N4BP3: variants seen among roughly 807,000 people sequenced by gnomAD.
N4BP3 encodes the protein NEDD4 binding protein 3, also known as NEDD4-binding protein 3.
In N4BP3, 33 loss-of-function variants were observed where a neutral mutation model predicts 43.8. The ratio of observed to expected loss-of-function variants is 0.75; its 90% CI spans 0.57 to 1.01. N4BP3 has a LOEUF of 1.01. Ranked by LOEUF, N4BP3 falls within the 50% of genes least tolerant of loss-of-function variation. The probability of loss-of-function intolerance (pLI) is 0.00; values close to 1 mark genes in which losing one functional copy is unlikely to be tolerated. For synonymous variants in N4BP3, 326 were observed against 321.9 expected (o/e 1.01, Z -0.14); for missense variants, 756 against 744.2 (o/e 1.02, Z -0.18).
intron 1 of N4BP3, 88 bp from the exon 2 acceptor site, chr5:178,119,466 T>C: frequency 1.0e-6 from 1 of 975,706 alleles, no homozygotes; most frequent in Non-Finnish European, 1.5e-6. Flanking sequence ...TGTGGGGAGC[T>C]ACAGGGAGCA....
chr5:178,117,039 C>T (rs1757788073), intron 1 of N4BP3, among the ~76,000 whole-genome samples: 2 of 152,134 alleles, frequency 1.3e-5, no homozygotes, highest in South Asian at 4.1e-4. Flanking sequence ...TTTCAAACTC[C>T]TGGGGTCAAG....
At chr5:178,116,984 T>C (rs1304651896) in intron 1 of N4BP3, among the ~76,000 whole-genome samples, 1 of 152,146 alleles carries the variant, frequency 6.6e-6, no homozygotes, top group Non-Finnish European at 1.5e-5. Flanking sequence ...TTTTTCCTTT[T>C]TAAAAATAAA....
Position 178,118,326 on chromosome 5 carries a change from G to C in N4BP3, c.-30-1228G>C, listed in dbSNP as rs1324344698. Among the ~76,000 whole-genome samples the C allele has an allele frequency of 6.6e-6, 1 of 152,192 alleles. No individual in the cohort carries two copies. The highest frequency in any genetic ancestry group is 1.5e-5 in the Non-Finnish European group (1 of 68,026). ...CTGTGGCCCAGGCCCTGAACTGGGT[G>C]CTCTGTCATGTTATCCCACCCCATC... On this transcript the variant is annotated intron_variant, in intron 1 of 4. Coordinates refer to ENST00000274605, the MANE Select transcript of N4BP3 (RefSeq NM_015111.2). This position sits in a 1 kb window ranked among gnomAD's most constrained non-coding sequence, Gnocchi z 5.4.
At position 178,122,128 on chromosome 5, in the gene N4BP3, G is replaced by T; in HGVS notation, c.*127G>T. ...CAGCCCGGGGCTGGGGAGGCGCAAG[G>T]AGAGGAGGGATCCAGTGGGGCCGTG... On this transcript the variant is annotated 3_prime_UTR_variant, in exon 5 of 5. Transcript: ENST00000274605. The T allele has an allele frequency of 8.1e-7, 1 of 1,229,074 alleles. No homozygotes were observed. Among genetic ancestry groups the T allele is most frequent in the South Asian group, 1.6e-5 (1 of 62,738 alleles). 76.1% of individuals were successfully genotyped at this position (1,229,074 alleles called of 1,614,324 possible).
downstream of N4BP3, among the ~76,000 whole-genome samples, chr5:178,126,997 A>G (rs928626378): frequency 6.6e-6 from 1 of 152,206 alleles, no homozygotes; most frequent in Admixed American, 6.5e-5. Flanking sequence ...ACTCCTGTGC[A>G]TGTATGTAAT....
At chr5:178,117,297 G>A (rs1436028140) in intron 1 of N4BP3, among the ~76,000 whole-genome samples, 2 of 152,162 alleles carry the variant, frequency 1.3e-5, no homozygotes, top group Non-Finnish European at 2.9e-5. Context: ...TGGGCTTGTC[G>A]TGGCAAGGAG....
chr5:178,123,793 T>C lies in N4BP3; in HGVS notation c.*1792T>C, dbSNP rs1334764615. The C allele has an allele frequency of 1.3e-5, 2 of 152,950 alleles. No homozygotes were observed. Among genetic ancestry groups the C allele is most frequent in the Non-Finnish European group, 2.9e-5 (2 of 68,306 alleles). The allele number at this position is 152,950 out of a possible 1,614,324, so 9.5% of individuals were successfully genotyped here. On this transcript the variant is annotated 3_prime_UTR_variant, in exon 5 of 5. Coordinates refer to ENST00000274605, the MANE Select transcript of N4BP3 (RefSeq NM_015111.2). ...GTTGGAGACAGTGCAGGCCCCTTCT[T>C]GGCCCCACCCTCTACCCCATTCCTT...
intron 1 of N4BP3, among the ~76,000 whole-genome samples, chr5:178,117,222 C>G (rs1457873787): frequency 6.6e-6 from 1 of 152,206 alleles, no homozygotes; most frequent in Non-Finnish European, 1.5e-5. Context: ...TCTCTGCTGT[C>G]CCCTCCCCAA....
At chr5:178,114,770 T>C (rs1167425503) in intron 1 of N4BP3, among the ~76,000 whole-genome samples, 1 of 152,208 alleles carries the variant, frequency 6.6e-6, no homozygotes, top group Non-Finnish European at 1.5e-5. Context: ...AGAGCTAGCA[T>C]AGCGACTCGG....
Position 178,121,893 on chromosome 5 carries a change from A to C in N4BP3, c.1527A>C (p.Gly509=). ...TGCGCTACCAGCGGGAGATCCAGGGAGGGTACATGGACATGTACCGCCGCA... is the reference window on the plus strand; with the variant it reads ...TGCGCTACCAGCGGGAGATCCAGGGCGGGTACATGGACATGTACCGCCGCA... The part of the protein sequence containing the change: ...RVLRYQREIQ[G]GYMDMYRRNQ... Residue 509 remains glycine (G), a synonymous_variant, in exon 5 of 5, where the codon GGA becomes GGC. Coordinates refer to ENST00000274605, the MANE Select transcript of N4BP3 (RefSeq NM_015111.2). 1 of 1,611,094 alleles carries C rather than the reference A, an allele frequency of 6.2e-7. No homozygotes were observed. Among genetic ancestry groups the C allele is most frequent in the Non-Finnish European group, 8.5e-7 (1 of 1,179,496 alleles).
chr5:178,120,127 G>GGC (rs1757877203), intron 2 of N4BP3, 51 bp from the exon 3 acceptor site: 1 of 1,521,414 alleles, frequency 6.6e-7, no homozygotes, highest in Non-Finnish European at 8.8e-7. Context: ...AGGTAGAGCA[G>GGC]GCAGCTGCCC....
At position 178,119,925 on chromosome 5, in the gene N4BP3, C is replaced by T. The variant is rs938162953; in HGVS notation, c.330+12C>T. ...GTCGCTTTGACAAGGTGCACCTTTGCCCATGCCCCTTACAAGGTGTGGGGA... is the reference window on the plus strand; with the variant it reads ...GTCGCTTTGACAAGGTGCACCTTTGTCCATGCCCCTTACAAGGTGTGGGGA... On this transcript the variant is annotated intron_variant, in intron 2 of 4. Coordinates refer to ENST00000274605, the MANE Select transcript of N4BP3 (RefSeq NM_015111.2). 2 of 1,587,668 alleles carry T rather than the reference C, an allele frequency of 1.3e-6. No homozygotes were observed. The highest frequency in any genetic ancestry group is 1.7e-6 in the Non-Finnish European group (2 of 1,169,676).
rs540832440 is a variant in N4BP3, at chr5:178,118,399, C to T, written c.-30-1155C>T. ...TGTTATTGTCGCCAGGGTGTGTGTG[C>T]GGAAGTCCAGGCTCACTGAGGTTAG... On this transcript the variant is annotated intron_variant, in intron 1 of 4. Coordinates refer to ENST00000274605, the MANE Select transcript of N4BP3 (RefSeq NM_015111.2). This position sits in a 1 kb window ranked among gnomAD's most constrained non-coding sequence, Gnocchi z 5.4. 1.3e-5 allele frequency among the ~76,000 whole-genome samples: 2 copies of T among 152,262 alleles called. No individual in the cohort carries two copies. The highest frequency in any genetic ancestry group is 1.9e-4 in the East Asian group (1 of 5,180).
chr5:178,117,368 T>A (rs536201015), intron 1 of N4BP3, among the ~76,000 whole-genome samples: 1 of 152,226 alleles, frequency 6.6e-6, no homozygotes, highest in East Asian at 1.9e-4. Context: ...GGACCAATCC[T>A]AGGTCCCACT....
At chr5:178,126,446 C>G (rs1003579124), downstream of N4BP3, among the ~76,000 whole-genome samples, 7 of 151,848 alleles carry the variant, frequency 4.6e-5, no homozygotes, top group African/African-American at 1.7e-4. Flanking sequence ...CCAAAGTGCT[C>G]GGATTATGGG....
rs879831124 is a variant in N4BP3 at position 178,122,290 on chromosome 5, C to T, written c.*289C>T. 3 of 377,282 alleles carry T rather than the reference C, an allele frequency of 8.0e-6. No individual in the cohort carries two copies. Among genetic ancestry groups the T allele is most frequent in the South Asian group, 5.5e-5 (1 of 18,024 alleles). 23.4% of individuals were successfully genotyped at this position (377,282 alleles called of 1,614,324 possible). On this transcript the variant is annotated 3_prime_UTR_variant, in exon 5 of 5. Transcript: ENST00000274605. The stretch of plus-strand genomic sequence containing the variant: ...TGGGGGATCACCAGCCCCAAGGTCC[C>T]GAAGGGCAGGTCAGAGGGAGAGAGG...
chr5:178,119,189 G>T (rs111725190), intron 1 of N4BP3, among the ~76,000 whole-genome samples: 2 of 152,166 alleles, frequency 1.3e-5, no homozygotes, highest in Admixed American at 1.3e-4. Flanking sequence ...AGCCCTGTGC[G>T]GGCCCAGTGC....
rs1303825500 is a variant in N4BP3 at position 178,125,220 on chromosome 5, C to A, written c.*3219C>A. 6.6e-6 allele frequency: 1 copy of A among 152,422 alleles called. No homozygotes were observed. Among genetic ancestry groups the A allele is most frequent in the African/African-American group, 2.4e-5 (1 of 41,462 alleles). The allele number at this position is 152,422 out of a possible 1,614,324, so 9.4% of individuals were successfully genotyped here. On this transcript the variant is annotated 3_prime_UTR_variant, in exon 5 of 5. Coordinates refer to ENST00000274605, the MANE Select transcript of N4BP3 (RefSeq NM_015111.2). ...TGAGGAAGCCAAGGTGGCCAAGGCCCTCGGTCCCCTGCCCTGATAGGGCTT... is the reference window on the plus strand; with the variant it reads ...TGAGGAAGCCAAGGTGGCCAAGGCCATCGGTCCCCTGCCCTGATAGGGCTT...
chr5:178,121,488 A>G lies in N4BP3; in HGVS notation c.1122A>G (p.Thr374=). ...EEARWEVCQK[T]AEISLLKQQL... is the part of the protein sequence containing the mutation. ...CCATCCCCCAGGTGTGCCAGAAGAC[A>G]GCAGAGATTAGCCTCTTGAAGCAGC... The change falls in exon 5 of 5, where the codon ACA becomes ACG. Residue 374 remains threonine, a synonymous_variant. Transcript: ENST00000274605. 1 of 1,613,918 alleles carries G rather than the reference A, an allele frequency of 6.2e-7. No individual in the cohort carries two copies. Among genetic ancestry groups the G allele is most frequent in the Non-Finnish European group, 8.5e-7 (1 of 1,179,996 alleles).
Sources: allele counts gnomAD v4.1 joint callset (sites outside exome capture counted in the v4.1 genomes callset), GRCh38; gene constraint gnomAD v4.1.1; non-coding constraint Gnocchi (gnomAD v3.1); transcripts MANE v1.5; gene names NCBI Gene and HGNC (gene_info 2026-07-23, HGNC 2026-07-21).